FUT8: variants seen among roughly 807,000 people sequenced by gnomAD.
The protein encoded by FUT8 is fucosyltransferase 8, also known as alpha-(1,6)-fucosyltransferase.
In FUT8, 29 loss-of-function variants were observed where a neutral mutation model predicts 71.3. The ratio of observed to expected loss-of-function variants is 0.41; its 90% CI spans 0.30 to 0.55. The LOEUF is 0.55. Among genes scored for constraint, FUT8 ranks in the 20% least tolerant of loss-of-function variants. The pLI is 0.34. For synonymous variants in FUT8, 254 were observed against 239.3 expected (o/e 1.06, Z -0.57); for missense variants, 544 against 702.1 (o/e 0.77, Z 2.55).
chr14:65,527,796 G>A (rs1883602386), intron 2 of FUT8, among the ~76,000 whole-genome samples: 1 of 152,178 alleles, frequency 6.6e-6, no homozygotes, highest in Non-Finnish European at 1.5e-5. Context: ...AGGTCTGTTG[G>A]AGTTTGCTGG....
At chr14:65,470,853 G>T (rs1224342499) in intron 2 of FUT8, among the ~76,000 whole-genome samples, 2 of 151,884 alleles carry the variant, frequency 1.3e-5, no homozygotes, top group Non-Finnish European at 2.9e-5. Context: ...TCTGCTCTCT[G>T]CTTGACTGTG....
chr14:65,703,305 C>T (rs2268963), intron 7 of FUT8, among the ~76,000 whole-genome samples: 9,425 of 152,252 alleles, frequency 0.062, 637 homozygotes, highest in East Asian at 0.39. Flanking sequence ...ATCTTCTTCC[C>T]TCCTCCCACT....
chr14:65,414,324 A>G (rs186725452), intron 1 of FUT8, among the ~76,000 whole-genome samples: 55 of 151,912 alleles, frequency 3.6e-4, no homozygotes, highest in African/African-American at 1.3e-3. Context: ...TATTTTCTTG[A>G]TTAAATTTAC....
intron 1 of FUT8, among the ~76,000 whole-genome samples, chr14:65,424,897 C>T (rs1199995009): frequency 2.0e-5 from 3 of 152,038 alleles, no homozygotes; most frequent in Non-Finnish European, 2.9e-5. Flanking sequence ...AACTCCAGTG[C>T]TCATGATCCT....
intron 2 of FUT8, among the ~76,000 whole-genome samples, chr14:65,505,554 T>C (rs1289524335): frequency 6.6e-6 from 1 of 151,998 alleles, no homozygotes; most frequent in East Asian, 1.9e-4. Flanking sequence ...CCTCATGATC[T>C]GCCCGCCTTA....
chr14:65,452,527 G>C (rs2065843246), intron 1 of FUT8, among the ~76,000 whole-genome samples: 1 of 152,206 alleles, frequency 6.6e-6, no homozygotes, highest in African/African-American at 2.4e-5. Flanking sequence ...AAGAGGTAGA[G>C]CTAGCTGGGA....
intron 5 of FUT8, among the ~76,000 whole-genome samples, chr14:65,623,484 C>T (rs968650153): frequency 6.6e-6 from 1 of 151,720 alleles, no homozygotes; most frequent in Admixed American, 6.6e-5. Context: ...TTGGGGAGAC[C>T]GAGGAGGGTG....
intron 3 of FUT8, among the ~76,000 whole-genome samples, chr14:65,600,616 AAT>A (rs1405440510): frequency 4.6e-5 from 7 of 152,196 alleles, no homozygotes; most frequent in Non-Finnish European, 8.8e-5. Flanking sequence ...ATTTGTAAAA[AAT>A]ATGCATAAGA....
intron 6 of FUT8, among the ~76,000 whole-genome samples, chr14:65,641,673 T>G (rs1277732652): frequency 6.6e-6 from 1 of 152,120 alleles, no homozygotes; most frequent in African/African-American, 2.4e-5. Flanking sequence ...TAACTAACAC[T>G]TTGTATGGTT....
At chr14:65,470,345 T>G (rs1045961956) in intron 2 of FUT8, among the ~76,000 whole-genome samples, 6 of 151,940 alleles carry the variant, frequency 3.9e-5, no homozygotes. Context: ...CTGTATGGGG[T>G]TGGGGGACAG....
intron 1 of FUT8, among the ~76,000 whole-genome samples, chr14:65,429,366 ATG>A (rs993399959): frequency 3.9e-5 from 6 of 152,192 alleles, no homozygotes; most frequent in Admixed American, 3.9e-4. Context: ...GAGGAGGGGA[ATG>A]TAGCTATAAA....
chr14:65,357,226 T>C, the FUT8 span, among the ~76,000 whole-genome samples: 1 of 152,262 alleles, frequency 6.6e-6, no homozygotes, highest in Admixed American at 6.5e-5. Flanking sequence ...GCTTGTCACA[T>C]AGCAAGTATT....
chr14:65,590,995 C>G (rs1266435162), intron 3 of FUT8, among the ~76,000 whole-genome samples: 3 of 152,016 alleles, frequency 2.0e-5, no homozygotes, highest in African/African-American at 7.2e-5. Flanking sequence ...GTTCTTTTAC[C>G]TATAGTTTAT....
chr14:65,375,034 A>G, the FUT8 span, among the ~76,000 whole-genome samples: 1 of 152,170 alleles, frequency 6.6e-6, no homozygotes, highest in Non-Finnish European at 1.5e-5. Context: ...TTGGCTTATA[A>G]AAGTTCTTGA....
chr14:65,655,280 T>C (rs1891615977), intron 6 of FUT8, among the ~76,000 whole-genome samples: 1 of 151,696 alleles, frequency 6.6e-6, no homozygotes. Context: ...GAGACCATTC[T>C]GGCTAACACG....
In FUT8 at chr14:65,743,520, T is replaced by C. The variant is rs1385454587; in HGVS notation, c.*1110T>C. On this transcript the variant is annotated 3_prime_UTR_variant, in exon 11 of 11. Transcript: ENST00000673929. Reference sequence around the variant, plus strand: ...TTAATGTATTTATTATCGCTTTTTGTGAGTAGGGTCCTGTTTTATCCAGGA... The same window carrying C: ...TTAATGTATTTATTATCGCTTTTTGCGAGTAGGGTCCTGTTTTATCCAGGA... The C allele has an allele frequency of 6.6e-6, 1 of 151,896 alleles. No homozygotes were observed. Among genetic ancestry groups the C allele is most frequent in the Non-Finnish European group, 1.5e-5 (1 of 67,890 alleles). 9.4% of individuals were successfully genotyped at this position (151,896 alleles called of 1,614,324 possible). A position where few individuals can be genotyped will look rare whatever the true frequency, so the allele number is the denominator to read the frequency against.
intron 7 of FUT8, among the ~76,000 whole-genome samples, chr14:65,677,141 T>C (rs1248650208): frequency 1.8e-5 from 2 of 111,908 alleles, no homozygotes; most frequent in Non-Finnish European, 3.9e-5. Context: ...TGTGTGTGTG[T>C]GTGTGTGTGT....
intron 6 of FUT8, among the ~76,000 whole-genome samples, chr14:65,661,213 C>A (rs956941770): frequency 2.0e-5 from 3 of 152,116 alleles, no homozygotes; most frequent in Non-Finnish European, 4.4e-5. Context: ...ACAGAAATAG[C>A]CAGATAGGTG....
At chr14:65,527,580 G>A (rs893314644) in intron 2 of FUT8, among the ~76,000 whole-genome samples, 12 of 152,216 alleles carry the variant, frequency 7.9e-5, no homozygotes, top group African/African-American at 2.2e-4. Flanking sequence ...GTCATTCTCC[G>A]TCCAGCTTTG....
Sources: gnomAD v4.1 joint callset for allele counts (sites outside exome capture counted in the v4.1 genomes callset) on GRCh38, gnomAD v4.1.1 for gene constraint, MANE v1.5 for transcripts, NCBI Gene and HGNC (gene_info 2026-07-23, HGNC 2026-07-21) for gene names.